Variants in VAV3 observed in about 807,000 individuals in gnomAD.
VAV3 encodes the protein vav guanine nucleotide exchange factor 3.
VAV3 carries 94 observed loss-of-function variants against 131.2 expected under a neutral mutation model. That is an observed-to-expected ratio of 0.72 (90% CI 0.61 to 0.85). VAV3 has a LOEUF of 0.85. Among genes scored for constraint, VAV3 ranks in the 40% least tolerant of loss-of-function variants. The pLI, the probability that VAV3 is intolerant of heterozygous loss-of-function variation, is 0.00. For missense variants in VAV3, 939 were observed against 1,002.7 expected, an observed-to-expected ratio of 0.94 and a Z score of 0.86; for synonymous variants, 349 against 342.0, an observed-to-expected ratio of 1.02 and a Z score of -0.22.
intron 13 of VAV3, among the ~76,000 whole-genome samples, chr1:107,750,851 C>T (rs1663676263): frequency 6.6e-6 from 1 of 152,064 alleles, no homozygotes; most frequent in Admixed American, 6.6e-5. Context: ...TACTTTATCG[C>T]TCTTCTCATT....
intron 2 of VAV3, among the ~76,000 whole-genome samples, chr1:107,857,254 C>T (rs1471337660): frequency 6.6e-6 from 1 of 152,120 alleles, no homozygotes; most frequent in Non-Finnish European, 1.5e-5. Flanking sequence ...TAGCCTCTTG[C>T]CCACATCTTT....
At chr1:107,631,454 G>C (rs904320667) in intron 20 of VAV3, among the ~76,000 whole-genome samples, 2 of 145,268 alleles carry the variant, frequency 1.4e-5, no homozygotes, top group Non-Finnish European at 3.1e-5. Flanking sequence ...TTCCACTCTA[G>C]TATACTTTCT....
intron 1 of VAV3, among the ~76,000 whole-genome samples, chr1:107,906,877 T>A (rs886902608): frequency 1.7e-4 from 26 of 152,126 alleles, no homozygotes; most frequent in Non-Finnish European, 3.5e-4. Context: ...TCCAACCTAC[T>A]GTTCCCTGGC....
chr1:107,708,033 A>G (rs1660557259), intron 15 of VAV3, among the ~76,000 whole-genome samples: 1 of 152,216 alleles, frequency 6.6e-6, no homozygotes, highest in African/African-American at 2.4e-5. Context: ...CATCCATTTC[A>G]TAAGTATTTA....
chr1:107,600,821 C>G (rs528256188), intron 24 of VAV3, among the ~76,000 whole-genome samples: 17 of 152,302 alleles, frequency 1.1e-4, no homozygotes, highest in Middle Eastern at 3.4e-3. Context: ...TTCATTGGCC[C>G]TTTTCAGTGA....
intron 2 of VAV3, among the ~76,000 whole-genome samples, chr1:107,813,952 G>T (rs1171961515): frequency 7.0e-6 from 1 of 142,198 alleles, no homozygotes; most frequent in African/African-American, 2.6e-5. Context: ...CTTTTGTATG[G>T]CTAAATAGTA....
rs1459449943 is a variant in VAV3, at chr1:107,573,206, G to C, written c.*125C>G. On this transcript the variant is annotated 3_prime_UTR_variant, in exon 27 of 27. Transcript: ENST00000370056. ...ATTAAGACTTAGGAGGGGCTAAGGA[G>C]GGAGGATGTTGAACAGCCAGAAATG... 11 of 1,006,252 alleles carry C rather than the reference G, an allele frequency of 1.1e-5. No homozygotes were observed. In the African/African-American group the frequency reaches 1.3e-4, roughly 12 times the overall value. 62.3% of individuals were successfully genotyped at this position (1,006,252 alleles called of 1,614,324 possible).
chr1:107,709,929 C>T (rs72705622), intron 15 of VAV3, among the ~76,000 whole-genome samples: 33 of 152,068 alleles, frequency 2.2e-4, no homozygotes, highest in African/African-American at 6.5e-4. Context: ...TGAGAACAGA[C>T]GAATACAATA....
chr1:107,906,075 T>A (rs942147173), intron 1 of VAV3, among the ~76,000 whole-genome samples: 1 of 152,188 alleles, frequency 6.6e-6, no homozygotes. Context: ...TTGCTCATCA[T>A]TTTCCAATTA....
At position 107,604,768 on chromosome 1, in the gene VAV3, G is replaced by A. The variant is rs921946774; in HGVS notation, c.2016-1605C>T. ...ATTGAGTGTATGCATTTTTATCAAAGCTATGCATTAATATAGTTTTAAAAG... is the reference window on the plus strand; with the variant it reads ...ATTGAGTGTATGCATTTTTATCAAAACTATGCATTAATATAGTTTTAAAAG... On this transcript the variant is annotated intron_variant, in intron 22 of 26. Transcript: ENST00000370056. 2.0e-5 allele frequency among the ~76,000 whole-genome samples: 3 copies of A among 152,036 alleles called. No individual in the cohort carries two copies. In the East Asian group the frequency reaches 5.8e-4, roughly 29 times the overall value.
At chr1:107,851,081 A>G (rs867021285) in intron 2 of VAV3, among the ~76,000 whole-genome samples, 8 of 151,792 alleles carry the variant, frequency 5.3e-5, no homozygotes, top group Admixed American at 2.6e-4. Flanking sequence ...CAACTGCCAC[A>G]TGAACAAAGA....
intron 2 of VAV3, among the ~76,000 whole-genome samples, chr1:107,790,228 G>A (rs75750534): frequency 0.013 from 1,968 of 152,236 alleles, 40 homozygotes; most frequent in African/African-American, 0.045. Flanking sequence ...CTTCCACACA[G>A]GCCTTATGTG....
At chr1:107,628,907 G>A (rs780523607) in intron 20 of VAV3, among the ~76,000 whole-genome samples, 9 of 152,232 alleles carry the variant, frequency 5.9e-5, no homozygotes, top group Middle Eastern at 3.4e-3. Context: ...TGAATTAATC[G>A]GAATGTGTGT....
chr1:107,716,694 T>G (rs1269122459), intron 15 of VAV3, among the ~76,000 whole-genome samples: 1 of 152,144 alleles, frequency 6.6e-6, no homozygotes, highest in East Asian at 1.9e-4. Context: ...TCTAAAATTC[T>G]TTTTTTGTTG....
At chr1:107,910,626 A>G (rs1672322169) in intron 1 of VAV3, among the ~76,000 whole-genome samples, 1 of 152,226 alleles carries the variant, frequency 6.6e-6, no homozygotes, top group Admixed American at 6.5e-5. Context: ...AAAACATGTA[A>G]TACTAATAAC....
At chr1:107,652,169 G>A (rs908556931) in intron 19 of VAV3, among the ~76,000 whole-genome samples, 1 of 152,222 alleles carries the variant, frequency 6.6e-6, no homozygotes, top group East Asian at 1.9e-4. Context: ...CAGTAAAGAA[G>A]CCGGCTAAAT....
At chr1:107,843,836 G>A (rs988042027) in intron 2 of VAV3, among the ~76,000 whole-genome samples, 43 of 151,986 alleles carry the variant, frequency 2.8e-4, no homozygotes, top group African/African-American at 9.2e-4. Context: ...CCTACAGAGC[G>A]GGGAGCTTTC....
chr1:107,789,410 TC>T (rs1666176577), intron 2 of VAV3, among the ~76,000 whole-genome samples: 1 of 152,192 alleles, frequency 6.6e-6, no homozygotes, highest in African/African-American at 2.4e-5. Context: ...AGATGCTCCA[TC>T]TTTTGTCCCA....
At chr1:107,830,154 T>G (rs1352920326) in intron 2 of VAV3, among the ~76,000 whole-genome samples, 1 of 152,132 alleles carries the variant, frequency 6.6e-6, no homozygotes, top group Non-Finnish European at 1.5e-5. Context: ...AACTATGAGT[T>G]TCTCATGCAC....
Sources: gnomAD v4.1 joint callset for allele counts (sites outside exome capture counted in the v4.1 genomes callset) on GRCh38, gnomAD v4.1.1 for gene constraint, MANE v1.5 for transcripts, NCBI Gene and HGNC (gene_info 2026-07-23, HGNC 2026-07-21) for gene names.